The following MTOR variants were observed in gnomAD, a reference collection of about 807,000 sequenced individuals.
MTOR encodes mechanistic target of rapamycin kinase, also known as serine/threonine-protein kinase mTOR.
In MTOR, 70 loss-of-function variants were observed where a neutral mutation model predicts 319.8. The ratio of observed to expected loss-of-function variants is 0.22; its 90% CI spans 0.18 to 0.27. The LOEUF (loss-of-function observed/expected upper bound fraction) is 0.27, where lower values mean the gene tolerates loss of function less well. Ranked by LOEUF, MTOR falls within the 10% of genes least tolerant of loss-of-function variation. The probability of loss-of-function intolerance (pLI) is 1.00; values close to 1 mark genes in which losing one functional copy is unlikely to be tolerated. For missense variants in MTOR, 1,890 were observed against 3,274.4 expected (o/e 0.58, Z 10.32); for synonymous variants, 1,183 against 1,211.4 (o/e 0.98, Z 0.49).
rs775414325 is a variant in MTOR, at chr1:11,129,577, G to C, written c.5714+161C>G. 2.0e-5 allele frequency among the ~76,000 whole-genome samples: 3 copies of C among 152,204 alleles called. No individual in the cohort carries two copies. Among genetic ancestry groups the C allele is most frequent in the Non-Finnish European group, 4.4e-5 (3 of 68,032 alleles). On this transcript the variant is annotated intron_variant, in intron 40 of 57. Coordinates refer to ENST00000361445, the MANE Select transcript of MTOR (RefSeq NM_004958.4). This position sits in a 1 kb window ranked among gnomAD's most constrained non-coding sequence, Gnocchi z 4.7. ...GTTTCACCCACACAGGTGGGGCCCA[G>C]TCAGCTGTTACTCCTTAAATGCAGT...
chr1:11,251,559 G>C (rs1357665770), intron 6 of MTOR, among the ~76,000 whole-genome samples: 1 of 151,970 alleles, frequency 6.6e-6, no homozygotes, highest in African/African-American at 2.4e-5. Context: ...TAGCTCTTAG[G>C]ACACAGTGTA....
chr1:11,112,137 T>C (rs1050067436), intron 54 of MTOR, among the ~76,000 whole-genome samples: 1 of 152,224 alleles, frequency 6.6e-6, no homozygotes, highest in South Asian at 2.1e-4. Context: ...TCTAGACCCC[T>C]GCTCTGTGAG....
chr1:11,187,423 C>T (rs1645356626), intron 28 of MTOR, among the ~76,000 whole-genome samples: 1 of 152,160 alleles, frequency 6.6e-6, no homozygotes, highest in Admixed American at 6.5e-5. Flanking sequence ...ACCTAGATCC[C>T]TCACATGTGC....
chr1:11,178,297 T>C (rs571087521), intron 28 of MTOR, among the ~76,000 whole-genome samples: 1 of 152,170 alleles, frequency 6.6e-6, no homozygotes, highest in Admixed American at 6.5e-5. Flanking sequence ...TGGTTGGATA[T>C]AGGGCCCAGG....
intron 30 of MTOR, chr1:11,152,227 T>C (rs975765674): frequency 1.3e-5 from 2 of 152,206 alleles, no homozygotes; most frequent in South Asian, 2.1e-4. Context: ...AGATTGTTTA[T>C]GGGGCAACAA....
At position 11,199,208 on chromosome 1, in the gene MTOR, G is replaced by A. The variant is rs1242749223; in HGVS notation, c.4253+50C>T. Reference sequence around the variant, plus strand: ...GAAGTGGCACCAGGCAGTGGGAGAAGAGAGGTCATTTTGCATGAAGGCAGC... The same window carrying A: ...GAAGTGGCACCAGGCAGTGGGAGAAAAGAGGTCATTTTGCATGAAGGCAGC... On this transcript the variant is annotated intron_variant, in intron 28 of 57. Transcript: ENST00000361445. The surrounding 1 kb of genome is among the most constrained non-coding windows in gnomAD (Gnocchi z 4.5). 1 of 1,613,064 alleles carries A rather than the reference G, an allele frequency of 6.2e-7. No individual in the cohort carries two copies. Among genetic ancestry groups the A allele is most frequent in the East Asian group, 2.2e-5 (1 of 44,870 alleles).
At chr1:11,238,671 A>G (rs1293362846) in intron 11 of MTOR, 54 bp from the exon 12 acceptor site, 3 of 1,463,406 alleles carry the variant, frequency 2.1e-6, no homozygotes, top group South Asian at 1.3e-5. Context: ...GTAGACAGGT[A>G]GGTCTGCAGC....
rs1257592579 is a variant in MTOR at position 11,247,928 on chromosome 1, T to G, written c.1007A>C (p.Tyr336Ser). ...QSNALVGLLG[Y>S]SSHQGLMGFG... is the part of the protein sequence containing the mutation. ...TCCCATGAGGCCTTGGTGAGAGCTG[T>G]ACCCCAGCAGCCCCACCAAGGCATT... Residue 336 changes from tyrosine (Y) to serine (S), a missense_variant, in exon 7 of 58, where the codon TAC becomes TCC. Around this residue, in one of 15 missense-constraint regions of MTOR, gnomAD observed 418 missense variants for 543.1 expected, o/e 0.77. Transcript: ENST00000361445. 6.2e-7 allele frequency: 1 copy of G among 1,614,026 alleles called. No homozygotes were observed. The highest frequency in any genetic ancestry group is 1.3e-5 in the African/African-American group (1 of 74,896).
chr1:11,191,896 GCTGT>G (rs1252108220), intron 28 of MTOR, among the ~76,000 whole-genome samples: 1 of 152,162 alleles, frequency 6.6e-6, no homozygotes, highest in Non-Finnish European at 1.5e-5. Context: ...TATAGTGGCG[GCTGT>G]CTAAGAAGTC....
At chr1:11,246,111 G>A (rs547172615) in intron 8 of MTOR, among the ~76,000 whole-genome samples, 9 of 152,192 alleles carry the variant, frequency 5.9e-5, no homozygotes, top group African/African-American at 2.2e-4. Context: ...ATACTTATAC[G>A]GTGTGCCCAG....
chr1:11,185,704 A>G (rs1338131676), intron 28 of MTOR, among the ~76,000 whole-genome samples: 1 of 152,200 alleles, frequency 6.6e-6, no homozygotes, highest in Non-Finnish European at 1.5e-5. Context: ...GTGGCAAATT[A>G]GAAAGCTCAG....
rs747836080 is a variant in MTOR, at chr1:11,238,007, G to A, written c.2044C>T (p.Arg682Cys). The A allele has an allele frequency of 1.2e-5, 19 of 1,614,038 alleles. No individual in the cohort carries two copies. Among genetic ancestry groups the A allele is most frequent in the Non-Finnish European group, 1.5e-5 (18 of 1,180,038 alleles). Residue 682 changes from arginine (R) to cysteine (C), a missense_variant, in exon 13 of 58, where the codon CGC (arginine) becomes TGC (cysteine). Arg to Cys is a radical substitution (Grantham distance 180). Coordinates refer to ENST00000361445, the MANE Select transcript of MTOR (RefSeq NM_004958.4). Reference protein sequence around the residue: ...RYCVLASLDERFDAHLAQAEN... With the variant: ...RYCVLASLDECFDAHLAQAEN... ...GCCTGGGCCAGGTGTGCATCAAAGC[G>A]CTCGTCCAGGGACGCCAAGACACAG...
At chr1:11,204,774 T>C (rs1451492305) in intron 25 of MTOR, 71 bp from the exon 26 acceptor site, 1 of 1,475,844 alleles carries the variant, frequency 6.8e-7, no homozygotes, top group African/African-American at 1.4e-5. Context: ...CTCATCTATT[T>C]AATGATTATT....
chr1:11,209,262 T>G, intron 25 of MTOR, 50 bp downstream of exon 25: 10 of 1,610,106 alleles, frequency 6.2e-6, no homozygotes, highest in Non-Finnish European at 8.5e-6. Flanking sequence ...TTTGAGTAAG[T>G]GAGAAGAGCA....
At chr1:11,167,310 G>A in intron 29 of MTOR, 132 bp downstream of exon 29, 1 of 684,504 alleles carries the variant, frequency 1.5e-6, no homozygotes. Context: ...CCTGAAGACT[G>A]GTAAGTCAGC....
chr1:11,243,004 T>C, intron 9 of MTOR, 110 bp downstream of exon 9: 1 of 1,113,674 alleles, frequency 9.0e-7, no homozygotes, highest in Non-Finnish European at 1.3e-6. Context: ...TGCTATACCC[T>C]GGAGTTTAAT....
intron 29 of MTOR, among the ~76,000 whole-genome samples, chr1:11,161,999 A>G (rs762737901): frequency 1.8e-4 from 28 of 152,224 alleles, no homozygotes; most frequent in Non-Finnish European, 3.7e-4. Context: ...CTAAAGGAGG[A>G]TGTTCAAACC....
chr1:11,230,900 T>C, intron 18 of MTOR, 25 bp downstream of exon 18: 1 of 1,613,102 alleles, frequency 6.2e-7, no homozygotes. Flanking sequence ...ACTTGGCAAG[T>C]CTTTCATGGC....
intron 54 of MTOR, among the ~76,000 whole-genome samples, chr1:11,110,783 CT>C (rs1439100537): frequency 6.6e-6 from 1 of 152,140 alleles, no homozygotes; most frequent in Non-Finnish European, 1.5e-5. Flanking sequence ...TCTCAAACTC[CT>C]GGGCTCAAGT....
Sources: gnomAD v4.1 joint callset for allele counts (sites outside exome capture counted in the v4.1 genomes callset) on GRCh38, gnomAD v4.1.1 for gene constraint, gnomAD v4.1.1 regional missense constraint, Gnocchi (gnomAD v3.1) non-coding constraint, MANE v1.5 for transcripts, NCBI Gene and HGNC (gene_info 2026-07-23, HGNC 2026-07-21) for gene names.